Variants in PRUNE2 observed in about 807,000 individuals in gnomAD.
PRUNE2 encodes prune homolog 2 with BCH domain, also known as protein prune homolog 2.
Under a neutral mutation model 252.0 loss-of-function variants are expected in PRUNE2, and 164 were observed. The observed-to-expected ratio is 0.65, with a 90% CI of 0.57 to 0.74. The LOEUF (loss-of-function observed/expected upper bound fraction) is 0.74. PRUNE2 is among the 30% of genes least tolerant of loss of function. The probability of loss-of-function intolerance (pLI) is 0.00; values close to 1 mark genes in which losing one functional copy is unlikely to be tolerated. For synonymous variants in PRUNE2, 1,292 were observed against 1,350.2 expected (o/e 0.96, Z 0.94); for missense variants, 3,495 against 3,711.0 (o/e 0.94, Z 1.51).
intron 6 of PRUNE2, among the ~76,000 whole-genome samples, chr9:76,755,189 T>C (rs1471300039): frequency 1.3e-5 from 2 of 152,136 alleles, no homozygotes; most frequent in African/African-American, 2.4e-5. Context: ...TATTTAATTG[T>C]TTATGTGTTT....
At chr9:76,762,844 T>C (rs935815455) in intron 6 of PRUNE2, among the ~76,000 whole-genome samples, 1 of 152,208 alleles carries the variant, frequency 6.6e-6, no homozygotes, top group African/African-American at 2.4e-5. Flanking sequence ...ACGTTTTTAG[T>C]TGGACTCAAG....
chr9:76,655,366 A>G, intron 10 of PRUNE2, 57 bp downstream of exon 10: 1 of 1,207,038 alleles, frequency 8.3e-7, no homozygotes, highest in East Asian at 2.4e-5. Flanking sequence ...TCACTGAATA[A>G]TGAAAACGTT....
chr9:76,779,048 T>A (rs2054095817), intron 6 of PRUNE2: 1 of 152,222 alleles, frequency 6.6e-6, no homozygotes, highest in Non-Finnish European at 1.5e-5. Context: ...GTGATTTTTT[T>A]ATCTCACCTT....
intron 9 of PRUNE2, among the ~76,000 whole-genome samples, chr9:76,678,661 CTA>C (rs2043058343): frequency 4.6e-5 from 7 of 152,076 alleles, no homozygotes; most frequent in Non-Finnish European, 4.4e-5. Flanking sequence ...AACCTCGCCT[CTA>C]CTAAAAATAC....
intron 9 of PRUNE2, among the ~76,000 whole-genome samples, chr9:76,667,679 C>T (rs1259756100): frequency 6.6e-6 from 1 of 152,214 alleles, no homozygotes; most frequent in Non-Finnish European, 1.5e-5. Context: ...ATAAGATATT[C>T]CTTCAACTGC....
chr9:76,725,972 A>C (rs1385169941), intron 6 of PRUNE2, among the ~76,000 whole-genome samples: 1 of 152,226 alleles, frequency 6.6e-6, no homozygotes, highest in African/African-American at 2.4e-5. Flanking sequence ...GAAGCCAAGA[A>C]GAGCCTGAGC....
chr9:76,686,268 A>G (rs953786804), intron 9 of PRUNE2, among the ~76,000 whole-genome samples: 1 of 152,086 alleles, frequency 6.6e-6, no homozygotes, highest in Non-Finnish European at 1.5e-5. Context: ...CTTATACATC[A>G]CTCACATTTT....
At chr9:76,627,514 G>T (rs1014064856) in intron 16 of PRUNE2, among the ~76,000 whole-genome samples, 2 of 152,106 alleles carry the variant, frequency 1.3e-5, no homozygotes, top group Non-Finnish European at 2.9e-5. Flanking sequence ...TTGTGGAAAC[G>T]CTGTGAAGCT....
chr9:76,770,693 A>G (rs182679591), intron 6 of PRUNE2, among the ~76,000 whole-genome samples: 8 of 152,316 alleles, frequency 5.3e-5, no homozygotes, highest in Admixed American at 2.6e-4. Context: ...TTAAATGCTG[A>G]TATGATATTT....
intron 9 of PRUNE2, among the ~76,000 whole-genome samples, chr9:76,693,371 G>C (rs2044996659): frequency 2.0e-5 from 3 of 150,666 alleles, no homozygotes; most frequent in Middle Eastern, 3.4e-3. Context: ...AACTCTAATG[G>C]AATGGGAAAG....
At chr9:76,667,664 C>A (rs1483318947) in intron 9 of PRUNE2, among the ~76,000 whole-genome samples, 1 of 152,226 alleles carries the variant, frequency 6.6e-6, no homozygotes, top group Non-Finnish European at 1.5e-5. Flanking sequence ...CAGGAACACA[C>A]ATAGATAAGA....
At chr9:76,655,707 T>C (rs747747314) in intron 9 of PRUNE2, among the ~76,000 whole-genome samples, 21 of 152,324 alleles carry the variant, frequency 1.4e-4, no homozygotes, top group Non-Finnish European at 2.8e-4. Context: ...CAATTTCACT[T>C]GCTTACATCA....
At chr9:76,801,805 G>C (rs759205528) in intron 6 of PRUNE2, among the ~76,000 whole-genome samples, 9 of 152,158 alleles carry the variant, frequency 5.9e-5, no homozygotes, top group Non-Finnish European at 1.2e-4. Flanking sequence ...AAAGCCATCA[G>C]TGCTGCGTAC....
At position 76,702,817 on chromosome 9, in the gene PRUNE2, T is replaced by A. The variant is rs114227642; in HGVS notation, c.8276+520A>T. Among the ~76,000 whole-genome samples, 1,022 of 152,288 alleles carry A rather than the reference T, an allele frequency of 6.7e-3. 10 individuals carry two copies. The highest frequency in any genetic ancestry group is 0.024 in the African/African-American group (981 of 41,558). ...TCTGTATGCTAAGCGGTGTGTCAAC[T>A]GAGAAAGTACAGGCTTTGGAGGTGG... On this transcript the variant is annotated intron_variant, in intron 9 of 18. Coordinates refer to ENST00000376718, the MANE Select transcript of PRUNE2 (RefSeq NM_015225.3).
intron 6 of PRUNE2, among the ~76,000 whole-genome samples, chr9:76,730,684 G>A (rs917529217): frequency 6.6e-6 from 1 of 152,196 alleles, no homozygotes; most frequent in Non-Finnish European, 1.5e-5. Context: ...GGCAGATCAC[G>A]AGGTCAGGAG....
At chr9:76,674,037 G>T (rs2042039487) in intron 9 of PRUNE2, among the ~76,000 whole-genome samples, 1 of 152,038 alleles carries the variant, frequency 6.6e-6, no homozygotes, top group African/African-American at 2.4e-5. Flanking sequence ...TCAACATAGT[G>T]TTGGAAGTTC....
chr9:76,881,350 T>C (rs1446299621), intron 1 of PRUNE2, among the ~76,000 whole-genome samples: 1 of 152,160 alleles, frequency 6.6e-6, no homozygotes, highest in Admixed American at 6.5e-5. Flanking sequence ...AAAAATGCCA[T>C]GCATGGGGTT....
intron 1 of PRUNE2, among the ~76,000 whole-genome samples, chr9:76,880,194 T>G (rs530362465): frequency 2.7e-5 from 4 of 149,158 alleles, no homozygotes; most frequent in Non-Finnish European, 5.9e-5. Flanking sequence ...ATTACAGGCG[T>G]GAGCCACCAT....
At chr9:76,646,408 A>G (rs1470215809) in intron 11 of PRUNE2, among the ~76,000 whole-genome samples, 1 of 152,232 alleles carries the variant, frequency 6.6e-6, no homozygotes, top group African/African-American at 2.4e-5. Flanking sequence ...TTCGGTTGGG[A>G]AGCAATCCTA....
Sources: gnomAD v4.1 joint callset for allele counts (sites outside exome capture counted in the v4.1 genomes callset) on GRCh38, gnomAD v4.1.1 for gene constraint, MANE v1.5 for transcripts, NCBI Gene and HGNC (gene_info 2026-07-23, HGNC 2026-07-21) for gene names.